The following ABLIM1 variants were observed in gnomAD, a reference collection of about 807,000 sequenced individuals.
ABLIM1 encodes the protein actin binding LIM protein 1, also known as actin-binding LIM protein 1.
ABLIM1 carries 40 observed loss-of-function variants against 107.0 expected under a neutral mutation model. That is an observed-to-expected ratio of 0.37 (90% CI 0.29 to 0.49). The LOEUF (loss-of-function observed/expected upper bound fraction) is 0.49. ABLIM1 is among the 20% of genes least tolerant of loss of function. ABLIM1 has a pLI of 0.97. For missense variants in ABLIM1, 857 were observed against 1,008.5 expected (o/e 0.85, Z 2.04); for synonymous variants, 357 against 357.3 (o/e 1.00, Z 0.01).
At chr10:114,579,643 T>C (rs1419716525) in intron 2 of ABLIM1, among the ~76,000 whole-genome samples, 1 of 152,232 alleles carries the variant, frequency 6.6e-6, no homozygotes, top group African/African-American at 2.4e-5. Context: ...TACAGGTCAG[T>C]GGCATTAGAT....
At chr10:114,594,777 T>C (rs1265362725) in intron 2 of ABLIM1, among the ~76,000 whole-genome samples, 3 of 152,110 alleles carry the variant, frequency 2.0e-5, no homozygotes, top group African/African-American at 7.2e-5. Context: ...AACAAATTTA[T>C]GAATAACCAA....
intron 1 of ABLIM1, among the ~76,000 whole-genome samples, chr10:114,674,238 C>T (rs2080381792): frequency 1.4e-5 from 2 of 140,684 alleles, no homozygotes; most frequent in African/African-American, 5.5e-5. Context: ...TACAGTGAGC[C>T]AAGATCATGC....
chr10:114,755,368 G>A lies in ABLIM1; in HGVS notation c.-213+12693C>T, dbSNP rs975074299. On this transcript the variant is annotated intron_variant, in intron 1 of 15. Transcript: ENST00000651092. ...ACCAGTCCCTGGTGCCAAAAAGGTTGGGGACTGATGTTCTAGAAGGCAGGA... is the reference window on the plus strand; with the variant it reads ...ACCAGTCCCTGGTGCCAAAAAGGTTAGGGACTGATGTTCTAGAAGGCAGGA... Among the ~76,000 whole-genome samples the A allele has an allele frequency of 1.2e-4, 18 of 152,172 alleles. 1 individual carries two copies. Among genetic ancestry groups the A allele is most frequent in the African/African-American group, 4.3e-4 (18 of 41,448 alleles).
intron 1 of ABLIM1, among the ~76,000 whole-genome samples, chr10:114,708,452 T>C (rs2081472680): frequency 6.6e-6 from 1 of 152,084 alleles, no homozygotes; most frequent in African/African-American, 2.4e-5. Flanking sequence ...GGACCCTCCT[T>C]CCCTGGGACC....
intron 6 of ABLIM1, among the ~76,000 whole-genome samples, chr10:114,517,743 A>C (rs1216367665): frequency 1.3e-5 from 2 of 152,168 alleles, no homozygotes; most frequent in South Asian, 2.1e-4. Flanking sequence ...TGTTGAAGCT[A>C]AAGTTTGTCT....
intron 10 of ABLIM1, among the ~76,000 whole-genome samples, chr10:114,470,199 G>A (rs1185051560): frequency 6.6e-6 from 1 of 152,142 alleles, no homozygotes; most frequent in African/African-American, 2.4e-5. Flanking sequence ...AAGGCGGGTG[G>A]ATCACTTGAG....
Position 114,710,889 on chromosome 10 carries a change from C to T in ABLIM1, c.-213+57172G>A, listed in dbSNP as rs527591400. Reference sequence around the variant, plus strand: ...GCACACTAAGTATTTGTGTTCCATTCGATCAGTAGAAAAGGCAAGGCTTTG... The same window carrying T: ...GCACACTAAGTATTTGTGTTCCATTTGATCAGTAGAAAAGGCAAGGCTTTG... On this transcript the variant is annotated intron_variant, in intron 1 of 15. Transcript: ENST00000651092. 6.2e-4 allele frequency among the ~76,000 whole-genome samples: 94 copies of T among 152,354 alleles called. 2 individuals carry two copies. The South Asian group carries it at 0.019, about 30-fold the overall frequency.
At position 114,442,698 on chromosome 10, in the gene ABLIM1, C is replaced by A. The variant is rs2060369160; in HGVS notation, c.1934-912G>T. Among the ~76,000 whole-genome samples the A allele has an allele frequency of 1.3e-5, 2 of 152,190 alleles. 1 individual carries two copies. Among genetic ancestry groups the A allele is most frequent in the South Asian group, 4.1e-4 (2 of 4,832 alleles). ...TGGCGTATCACGCTGGGTATGTTAACTCAATTTCTATACCAGCCTCCTGAT... is the reference window on the plus strand; with the variant it reads ...TGGCGTATCACGCTGGGTATGTTAAATCAATTTCTATACCAGCCTCCTGAT... On this transcript the variant is annotated intron_variant, in intron 17 of 22. Transcript: ENST00000533213.
intron 7 of ABLIM1, among the ~76,000 whole-genome samples, chr10:114,489,071 C>A (rs1407165011): frequency 1.3e-5 from 2 of 151,844 alleles, no homozygotes; most frequent in Non-Finnish European, 2.9e-5. Flanking sequence ...GGCTGGAGTG[C>A]AAGTGGCACA....
intron 1 of ABLIM1, among the ~76,000 whole-genome samples, chr10:114,625,140 T>C (rs1157959607): frequency 1.3e-5 from 2 of 152,168 alleles, no homozygotes; most frequent in Non-Finnish European, 2.9e-5. Flanking sequence ...CTGGGGCTTT[T>C]GAAGTTAAGA....
intron 6 of ABLIM1, among the ~76,000 whole-genome samples, chr10:114,538,140 A>C (rs1270019716): frequency 6.6e-6 from 1 of 152,246 alleles, no homozygotes. Flanking sequence ...TCCAATTTAT[A>C]ATGTGAATTC....
At chr10:114,684,268 T>C in intron 1 of ABLIM1, 1 of 1,611,812 alleles carries the variant, frequency 6.2e-7, no homozygotes, top group Non-Finnish European at 8.5e-7. Flanking sequence ...ATATGCTGAC[T>C]TTACAAAATG....
chr10:114,683,837 C>T (rs1437425792), intron 1 of ABLIM1, among the ~76,000 whole-genome samples: 1 of 152,148 alleles, frequency 6.6e-6, no homozygotes, highest in Admixed American at 6.5e-5. Context: ...AGCCGGGGCA[C>T]TCCTGAAGCC....
intron 1 of ABLIM1, among the ~76,000 whole-genome samples, chr10:114,642,331 G>A (rs2078791483): frequency 6.6e-6 from 1 of 152,112 alleles, no homozygotes; most frequent in South Asian, 2.1e-4. Flanking sequence ...AAATAAAAAA[G>A]AGCTCAAGGA....
At chr10:114,551,482 A>G (rs2068056138) in intron 4 of ABLIM1, among the ~76,000 whole-genome samples, 1 of 152,178 alleles carries the variant, frequency 6.6e-6, no homozygotes, top group Non-Finnish European at 1.5e-5. Context: ...CTCTATACAA[A>G]TGAAGGACTG....
intron 3 of ABLIM1, among the ~76,000 whole-genome samples, chr10:114,574,290 G>A (rs2072143591): frequency 6.6e-6 from 1 of 152,126 alleles, no homozygotes; most frequent in Admixed American, 6.5e-5. Flanking sequence ...GCTGACCCTT[G>A]GTGGTGAGTC....
intron 8 of ABLIM1, among the ~76,000 whole-genome samples, chr10:114,476,783 C>T (rs994721594): frequency 2.0e-5 from 3 of 152,034 alleles, no homozygotes; most frequent in African/African-American, 7.2e-5. Context: ...AAAAGCTGAA[C>T]CTGTATCCAT....
chr10:114,559,641 A>C (rs1171415612), intron 4 of ABLIM1, among the ~76,000 whole-genome samples: 2 of 152,112 alleles, frequency 1.3e-5, no homozygotes, highest in Admixed American at 1.3e-4. Context: ...GGCTTAGAGC[A>C]GTTCTCCCTT....
intron 1 of ABLIM1, among the ~76,000 whole-genome samples, chr10:114,624,400 ATCT>A (rs1170994520): frequency 4.6e-5 from 7 of 152,242 alleles, no homozygotes; most frequent in African/African-American, 1.7e-4. Flanking sequence ...CTTGCAGTAC[ATCT>A]TCTGCAGGAA....
Sources: allele counts gnomAD v4.1 joint callset (sites outside exome capture counted in the v4.1 genomes callset), GRCh38; gene constraint gnomAD v4.1.1; transcripts MANE v1.5; gene names NCBI Gene and HGNC (gene_info 2026-07-23, HGNC 2026-07-21).